SLC35F4: variants seen among roughly 807,000 people sequenced by gnomAD.
SLC35F4 encodes the protein chromosome 14 open reading frame 36.
Under a neutral mutation model 44.2 loss-of-function variants are expected in SLC35F4, and 24 were observed. That is an observed-to-expected ratio of 0.54 (90% CI 0.39 to 0.76). The LOEUF (loss-of-function observed/expected upper bound fraction) is 0.76. Among genes scored for constraint, SLC35F4 ranks in the 30% least tolerant of loss-of-function variants. The probability of loss-of-function intolerance (pLI) is 0.00; values close to 1 mark genes in which losing one functional copy is unlikely to be tolerated. For missense variants in SLC35F4, 562 were observed against 586.1 expected (o/e 0.96, Z 0.42); for synonymous variants, 238 against 223.6 (o/e 1.06, Z -0.57).
At chr14:57,788,374 A>G (rs940685771) in intron 1 of SLC35F4, among the ~76,000 whole-genome samples, 7 of 152,330 alleles carry the variant, frequency 4.6e-5, no homozygotes, top group South Asian at 2.1e-4. Flanking sequence ...CAGAAAGTCA[A>G]TGAAGAAACA....
chr14:57,655,617 A>T (rs1368149646), intron 1 of SLC35F4, among the ~76,000 whole-genome samples: 2 of 152,068 alleles, frequency 1.3e-5, no homozygotes, highest in Non-Finnish European at 2.9e-5. Flanking sequence ...CCAGCACTGC[A>T]GCTCCATGCT....
intron 1 of SLC35F4, among the ~76,000 whole-genome samples, chr14:57,744,656 G>A (rs1213190615): frequency 6.6e-6 from 1 of 152,136 alleles, no homozygotes; most frequent in Non-Finnish European, 1.5e-5. Flanking sequence ...ACTGTCCAAG[G>A]TAATTTACAG....
chr14:57,736,480 A>G (rs1176065213), intron 1 of SLC35F4, among the ~76,000 whole-genome samples: 1 of 152,216 alleles, frequency 6.6e-6, no homozygotes, highest in Non-Finnish European at 1.5e-5. Flanking sequence ...CTGGGATAGC[A>G]CAGTGGTCAT....
intron 1 of SLC35F4, among the ~76,000 whole-genome samples, chr14:57,684,272 G>C (rs541829097): frequency 6.6e-4 from 101 of 152,210 alleles, no homozygotes; most frequent in Non-Finnish European, 1.3e-3. Context: ...CCACAAATGA[G>C]CACCAGTCTC....
intron 1 of SLC35F4, among the ~76,000 whole-genome samples, chr14:57,963,480 T>C (rs1400572676): frequency 6.6e-6 from 1 of 152,098 alleles, no homozygotes; most frequent in Non-Finnish European, 1.5e-5. Flanking sequence ...AGGGACACAA[T>C]TTCAGCAGCA....
Position 57,865,954 on chromosome 14 carries a change from C to T in SLC35F4, c.-129G>A. On this transcript the variant is annotated 5_prime_UTR_variant, in exon 1 of 8. Coordinates refer to ENST00000556826, the MANE Select transcript of SLC35F4 (RefSeq NM_001306087.2). ...TCCTGCTCCCGCGCCCGGGCTCTGA[C>T]TCCACCGCCCGGCGCAGCACCGGCT... 1.9e-6 allele frequency: 1 copy of T among 530,950 alleles called. No homozygotes were observed. The highest frequency in any genetic ancestry group is 3.1e-6 in the Non-Finnish European group (1 of 324,344). 32.9% of individuals were successfully genotyped at this position (530,950 alleles called of 1,614,324 possible).
chr14:57,607,832 A>G (rs1375004235), intron 1 of SLC35F4, among the ~76,000 whole-genome samples: 1 of 152,218 alleles, frequency 6.6e-6, no homozygotes, highest in Admixed American at 6.5e-5. Context: ...GAGGTTGAAG[A>G]GAGGTAGACT....
At position 57,617,130 on chromosome 14, in the gene SLC35F4, C is replaced by CTTTT. The variant is rs3054446; in HGVS notation, c.104-23010_104-23007dup. Among the ~76,000 whole-genome samples, 225 of 99,240 alleles carry CTTTT rather than the reference C, an allele frequency of 2.3e-3. 17 individuals carry two copies. The highest frequency in any genetic ancestry group is 7.8e-3 in the African/African-American group (204 of 26,320). 65.1% of individuals were successfully genotyped at this position (99,240 alleles called of 152,430 possible). ...CGAGCTCAGCTTAACTGTACTTATT[C>CTTTT]TTTTTTTTTTTTTTTTTTGAGACAG... is the stretch of plus-strand genomic sequence containing the variant. On this transcript the variant is annotated intron_variant, in intron 1 of 7. Coordinates refer to ENST00000556826, the MANE Select transcript of SLC35F4 (RefSeq NM_001306087.2).
chr14:57,570,778 C>G (rs900879523), intron 5 of SLC35F4, among the ~76,000 whole-genome samples: 6 of 152,188 alleles, frequency 3.9e-5, no homozygotes, highest in Non-Finnish European at 8.8e-5. Flanking sequence ...GGGGAAATCC[C>G]TCTGTAAGAG....
intron 1 of SLC35F4, among the ~76,000 whole-genome samples, chr14:57,658,838 A>G (rs550328131): frequency 2.6e-5 from 4 of 152,328 alleles, no homozygotes; most frequent in Admixed American, 2.0e-4. Flanking sequence ...TGGAAAATAT[A>G]TATTTCTAGT....
chr14:57,617,643 G>C (rs747748750), intron 1 of SLC35F4, among the ~76,000 whole-genome samples: 16 of 152,176 alleles, frequency 1.1e-4, no homozygotes, highest in Non-Finnish European at 2.4e-4. Context: ...GGGAAATACA[G>C]ACCAGAAAGC....
intron 1 of SLC35F4, among the ~76,000 whole-genome samples, chr14:57,916,544 A>G (rs1889333515): frequency 6.6e-6 from 1 of 152,170 alleles, no homozygotes. Context: ...GGAAATTCTT[A>G]GTCATTATTG....
chr14:57,886,536 C>A (rs1333309068), intron 1 of SLC35F4, among the ~76,000 whole-genome samples: 1 of 152,166 alleles, frequency 6.6e-6, no homozygotes, highest in African/African-American at 2.4e-5. Context: ...TTCTAAATAG[C>A]AGGAAAGGCA....
intron 1 of SLC35F4, among the ~76,000 whole-genome samples, chr14:57,924,784 C>CT (rs1349580689): frequency 1.3e-5 from 2 of 149,784 alleles, no homozygotes; most frequent in East Asian, 1.9e-4. Context: ...TCCTTTCTTT[C>CT]TTTTTTTTCT....
intron 1 of SLC35F4, among the ~76,000 whole-genome samples, chr14:57,679,062 A>G (rs2074800799): frequency 2.0e-5 from 3 of 152,138 alleles, no homozygotes; most frequent in Admixed American, 2.0e-4. Context: ...ATCCCAAATC[A>G]ACAGAATATA....
chr14:57,773,773 C>T (rs1170041008), intron 1 of SLC35F4, among the ~76,000 whole-genome samples: 1 of 152,096 alleles, frequency 6.6e-6, no homozygotes, highest in Non-Finnish European at 1.5e-5. Flanking sequence ...TGTGAAAGTA[C>T]AGTCACTTCC....
At chr14:57,624,115 G>A (rs2072344671) in intron 1 of SLC35F4, among the ~76,000 whole-genome samples, 1 of 152,064 alleles carries the variant, frequency 6.6e-6, no homozygotes, top group South Asian at 2.1e-4. Flanking sequence ...TGATAAAGGG[G>A]ATATCACCAC....
chr14:57,564,647 C>T (rs1032647342), intron 7 of SLC35F4, among the ~76,000 whole-genome samples: 3 of 152,134 alleles, frequency 2.0e-5, no homozygotes, highest in African/African-American at 7.2e-5. Flanking sequence ...CCCCTTTAAC[C>T]TTCTCCAGTT....
intron 1 of SLC35F4, among the ~76,000 whole-genome samples, chr14:57,951,650 G>A (rs969004907): frequency 2.6e-5 from 4 of 152,218 alleles, no homozygotes; most frequent in South Asian, 2.1e-4. Flanking sequence ...TCCCCTCACA[G>A]TGTAAACAAA....
Sources: allele counts gnomAD v4.1 joint callset (sites outside exome capture counted in the v4.1 genomes callset), GRCh38; gene constraint gnomAD v4.1.1; transcripts MANE v1.5; gene names NCBI Gene and HGNC (gene_info 2026-07-23, HGNC 2026-07-21).